The following ADAM23 variants were observed in gnomAD, a reference collection of about 807,000 sequenced individuals.
The protein encoded by ADAM23 is disintegrin and metalloproteinase domain-containing protein 23.
Under a neutral mutation model 120.1 loss-of-function variants are expected in ADAM23, and 33 were observed. That is an observed-to-expected ratio of 0.27 (90% CI 0.21 to 0.37). ADAM23 has a LOEUF of 0.37. ADAM23 is among the 10% of genes least tolerant of loss of function. The pLI is 1.00. For missense variants in ADAM23, 862 were observed against 1,058.2 expected, an observed-to-expected ratio of 0.81 and a Z score of 2.57; for synonymous variants, 367 against 375.2, an observed-to-expected ratio of 0.98 and a Z score of 0.25.
At chr2:206,614,868 A>G (rs564378525) in intron 25 of ADAM23, among the ~76,000 whole-genome samples, 29 of 152,164 alleles carry the variant, frequency 1.9e-4, no homozygotes, top group Non-Finnish European at 4.1e-4. Context: ...ATCCCAGTTC[A>G]AAATGAGAAG....
intron 9 of ADAM23, among the ~76,000 whole-genome samples, chr2:206,551,083 T>G (rs1269906610): frequency 6.6e-6 from 1 of 152,224 alleles, no homozygotes; most frequent in Non-Finnish European, 1.5e-5. Context: ...ACCGTTTCCT[T>G]TATAAAATTA....
intron 3 of ADAM23, among the ~76,000 whole-genome samples, chr2:206,503,446 A>C (rs1263019382): frequency 6.6e-6 from 1 of 152,166 alleles, no homozygotes; most frequent in East Asian, 1.9e-4. Flanking sequence ...GTAGAGGGTC[A>C]GTCAATGTTT....
chr2:206,491,328 A>T (rs1696130493), intron 3 of ADAM23, among the ~76,000 whole-genome samples: 1 of 152,198 alleles, frequency 6.6e-6, no homozygotes, highest in Non-Finnish European at 1.5e-5. Context: ...CTGTGGCTAC[A>T]GTCTTTAGCA....
intron 6 of ADAM23, among the ~76,000 whole-genome samples, chr2:206,547,064 TG>T (rs1386154827): frequency 6.6e-6 from 1 of 152,194 alleles, no homozygotes; most frequent in Non-Finnish European, 1.5e-5. Context: ...ATCAGTTTTA[TG>T]GCAAAAGTTG....
In ADAM23 at chr2:206,620,636, C is replaced by G. The variant is rs1414844490; in HGVS notation, c.*3009C>G. On this transcript the variant is annotated 3_prime_UTR_variant, in exon 26 of 26. Coordinates refer to ENST00000264377, the MANE Select transcript of ADAM23 (RefSeq NM_003812.4). ...TCAAGTTCCCATTTCACCTGCTCTA[C>G]TTTTGCTGCATTAATTAATGACACC... 1 of 152,066 alleles carries G rather than the reference C, an allele frequency of 6.6e-6. No individual in the cohort carries two copies. The highest frequency in any genetic ancestry group is 1.5e-5 in the Non-Finnish European group (1 of 68,012). 9.4% of individuals were successfully genotyped at this position (152,066 alleles called of 1,614,324 possible).
chr2:206,524,262 A>C (rs1207014436), intron 3 of ADAM23, among the ~76,000 whole-genome samples: 1 of 152,150 alleles, frequency 6.6e-6, no homozygotes, highest in East Asian at 1.9e-4. Context: ...CTGAGAATTG[A>C]ATTAGGGTAT....
rs1574479921 is a variant in ADAM23, at chr2:206,462,086, C to T, written c.432+16562C>T. Among the ~76,000 whole-genome samples, 3 of 152,210 alleles carry T rather than the reference C, an allele frequency of 2.0e-5. No homozygotes were observed. In the East Asian group the frequency reaches 5.8e-4, roughly 29 times the overall value. ...AGTCCTGATTTGCCGCCAGGAAGTCCAGAAACAGACAGTCTCTGGTCTGGG... is the reference window on the plus strand; with the variant it reads ...AGTCCTGATTTGCCGCCAGGAAGTCTAGAAACAGACAGTCTCTGGTCTGGG... On this transcript the variant is annotated intron_variant, in intron 2 of 25. Coordinates refer to ENST00000264377, the MANE Select transcript of ADAM23 (RefSeq NM_003812.4).
chr2:206,510,161 A>G (rs1400581076), intron 3 of ADAM23, among the ~76,000 whole-genome samples: 2 of 152,250 alleles, frequency 1.3e-5, no homozygotes, highest in Non-Finnish European at 2.9e-5. Flanking sequence ...AGGAGGAATT[A>G]TACGTGGAGG....
intron 3 of ADAM23, among the ~76,000 whole-genome samples, chr2:206,496,751 C>A (rs545250474): frequency 6.6e-6 from 1 of 152,172 alleles, no homozygotes; most frequent in South Asian, 2.1e-4. Flanking sequence ...TGATAGACTG[C>A]TAGCAAGACT....
At chr2:206,558,861 A>T (rs1261423307) in intron 10 of ADAM23, among the ~76,000 whole-genome samples, 1 of 152,232 alleles carries the variant, frequency 6.6e-6, no homozygotes, top group East Asian at 1.9e-4. Flanking sequence ...AATAGCTTCA[A>T]TTTGATTTAG....
At chr2:206,581,815 G>A (rs2105840386) in intron 18 of ADAM23, among the ~76,000 whole-genome samples, 1 of 152,224 alleles carries the variant, frequency 6.6e-6, no homozygotes. Context: ...TGCTGTCAGT[G>A]GAGTATTGAA....
At chr2:206,561,417 A>G (rs1005184883) in intron 12 of ADAM23, among the ~76,000 whole-genome samples, 3 of 152,198 alleles carry the variant, frequency 2.0e-5, no homozygotes, top group East Asian at 1.9e-4. Context: ...TTTTTCGTAT[A>G]TATCAGGCAA....
Position 206,594,925 on chromosome 2 carries a change from A to T in ADAM23, c.2247+20A>T, listed in dbSNP as rs1166899368. Reference sequence around the variant, plus strand: ...CATGGGGTAAGTAGGTATCAATGTGACAGCTGGAACCTTCATGGTCTGGCA... The same window carrying T: ...CATGGGGTAAGTAGGTATCAATGTGTCAGCTGGAACCTTCATGGTCTGGCA... On this transcript the variant is annotated intron_variant, in intron 23 of 25. Coordinates refer to ENST00000264377, the MANE Select transcript of ADAM23 (RefSeq NM_003812.4). The T allele has an allele frequency of 1.9e-6, 3 of 1,613,378 alleles. No individual in the cohort carries two copies. Among genetic ancestry groups the T allele is most frequent in the Non-Finnish European group, 2.5e-6 (3 of 1,179,508 alleles).
At chr2:206,528,140 G>A (rs1574514629) in intron 3 of ADAM23, among the ~76,000 whole-genome samples, 1 of 152,276 alleles carries the variant, frequency 6.6e-6, no homozygotes, top group East Asian at 1.9e-4. Flanking sequence ...GTTGAAAATA[G>A]TAAATTACCT....
rs144420625 is a variant in ADAM23, at chr2:206,553,293, G to A, written c.933+3133G>A. On this transcript the variant is annotated intron_variant, in intron 9 of 25. Coordinates refer to ENST00000264377, the MANE Select transcript of ADAM23 (RefSeq NM_003812.4). Reference sequence around the variant, plus strand: ...TACAAAAAAAATTAAAAAATTAGCCGGAGGTGGTGACATTTACCTGTAATC... The same window carrying A: ...TACAAAAAAAATTAAAAAATTAGCCAGAGGTGGTGACATTTACCTGTAATC... Among the ~76,000 whole-genome samples the A allele has an allele frequency of 2.0e-3, 303 of 152,028 alleles. 1 individual carries two copies. The highest frequency in any genetic ancestry group is 6.8e-3 in the African/African-American group (280 of 41,470).
At chr2:206,475,318 T>C (rs1695754217) in intron 2 of ADAM23, among the ~76,000 whole-genome samples, 1 of 152,182 alleles carries the variant, frequency 6.6e-6, no homozygotes, top group Non-Finnish European at 1.5e-5. Flanking sequence ...TCTGTTGATA[T>C]TTTCTTTTGG....
At chr2:206,560,261 A>G (rs1490337842) in intron 11 of ADAM23, 143 bp downstream of exon 11, 2 of 870,462 alleles carry the variant, frequency 2.3e-6, no homozygotes, top group African/African-American at 1.7e-5. Flanking sequence ...GATAAGAAGC[A>G]TGGAGTTAGG....
chr2:206,515,358 C>T (rs1176436328), intron 3 of ADAM23, among the ~76,000 whole-genome samples: 1 of 152,140 alleles, frequency 6.6e-6, no homozygotes, highest in Non-Finnish European at 1.5e-5. Context: ...CAGGGAAGGG[C>T]ACGGGATAAT....
chr2:206,468,596 C>T (rs1412885365), intron 2 of ADAM23, among the ~76,000 whole-genome samples: 1 of 152,196 alleles, frequency 6.6e-6, no homozygotes, highest in Non-Finnish European at 1.5e-5. Flanking sequence ...CAACTAGTCT[C>T]TAGGAAGTTC....
Sources: allele counts gnomAD v4.1 joint callset (sites outside exome capture counted in the v4.1 genomes callset), GRCh38; gene constraint gnomAD v4.1.1; transcripts MANE v1.5; gene names NCBI Gene and HGNC (gene_info 2026-07-23, HGNC 2026-07-21).